The following RTL4 variants were observed in gnomAD, a reference collection of about 807,000 sequenced individuals.
RTL4 encodes retrotransposon Gag-like protein 4.
Under a neutral mutation model 5.3 loss-of-function variants are expected in RTL4, and 4 were observed. That is an observed-to-expected ratio of 0.75 (90% CI 0.37 to 1.72). The LOEUF is 1.72. Among genes scored for constraint, RTL4 ranks in the 40% most tolerant of loss-of-function variants. RTL4 has a pLI of 0.04. For missense variants in RTL4, 260 were observed against 227.1 expected (o/e 1.14, Z -0.93); for synonymous variants, 98 against 87.3 (o/e 1.12, Z -0.68).
the RTL4 span, among the ~76,000 whole-genome samples, chrX:112,106,005 T>C: frequency 3.6e-5 from 4 of 112,216 alleles, no homozygotes; most frequent in East Asian, 1.1e-3. Flanking sequence ...AATATGATAT[T>C]ATCCATGGGT....
the RTL4 span, among the ~76,000 whole-genome samples, chrX:112,435,261 C>A: frequency 2.7e-5 from 3 of 111,648 alleles, no homozygotes; most frequent in African/African-American, 9.8e-5. Context: ...CACTACCAAG[C>A]ATCCTTGTAT....
At chrX:112,424,709 G>C in the RTL4 span, among the ~76,000 whole-genome samples, 1 of 111,386 alleles carries the variant, frequency 9.0e-6, no homozygotes, top group Non-Finnish European at 1.9e-5. Flanking sequence ...GGTATAGAAA[G>C]AGTAGGGCTG....
chrX:112,290,808 T>C, the RTL4 span, among the ~76,000 whole-genome samples: 1 of 112,329 alleles, frequency 8.9e-6, no homozygotes, highest in Non-Finnish European at 1.9e-5. Context: ...TCTTTTCTTC[T>C]ACATCTCATT....
chrX:112,274,890 G>C, the RTL4 span, among the ~76,000 whole-genome samples: 23 of 111,607 alleles, frequency 2.1e-4, no homozygotes, highest in African/African-American at 7.5e-4. Context: ...ACTGAAACTA[G>C]CAGAGTACAT....
At chrX:112,198,283 CT>C in the RTL4 span, among the ~76,000 whole-genome samples, 2 of 111,905 alleles carry the variant, frequency 1.8e-5, no homozygotes, top group East Asian at 5.6e-4. Flanking sequence ...AGTATATAAG[CT>C]TCATGAAGTC....
chrX:112,310,902 T>A, the RTL4 span, among the ~76,000 whole-genome samples: 2 of 96,872 alleles, frequency 2.1e-5, no homozygotes, highest in African/African-American at 7.5e-5. Context: ...TATTTTTATA[T>A]ATATGTATAT....
the RTL4 span, among the ~76,000 whole-genome samples, chrX:112,314,225 C>T: frequency 3.6e-5 from 4 of 111,697 alleles, no homozygotes; most frequent in Non-Finnish European, 7.5e-5. Flanking sequence ...TAAAACCCAC[C>T]GTTCAGCACA....
At chrX:112,392,990 G>A in the RTL4 span, among the ~76,000 whole-genome samples, 34 of 109,371 alleles carry the variant, frequency 3.1e-4, no homozygotes, top group Non-Finnish European at 5.3e-4. Context: ...CTGTCCCAGG[G>A]AGGTTTGAAG....
chrX:112,399,349 T>C, the RTL4 span, among the ~76,000 whole-genome samples: 2 of 111,832 alleles, frequency 1.8e-5, no homozygotes, highest in Admixed American at 9.5e-5. Flanking sequence ...TTATAGCTTT[T>C]CTTTGTATTT....
the RTL4 span, among the ~76,000 whole-genome samples, chrX:112,190,047 G>C: frequency 2.7e-5 from 3 of 112,093 alleles, no homozygotes; most frequent in East Asian, 8.4e-4. Context: ...TAAACACAAA[G>C]TCAGTAATGC....
upstream of RTL4, among the ~76,000 whole-genome samples, chrX:112,452,848 A>G (rs1022243697): frequency 9.0e-6 from 1 of 110,738 alleles, no homozygotes; most frequent in Non-Finnish European, 1.9e-5. Flanking sequence ...CCTGGCCAAC[A>G]TGGTGAAACT....
the RTL4 span, among the ~76,000 whole-genome samples, chrX:112,284,777 A>G: frequency 0.02 from 2,206 of 111,603 alleles, 56 homozygotes; most frequent in African/African-American, 0.066. Flanking sequence ...TTGTGCCTCT[A>G]ACATAAAAAG....
At chrX:112,247,105 A>G in the RTL4 span, among the ~76,000 whole-genome samples, 15 of 112,118 alleles carry the variant, frequency 1.3e-4, no homozygotes, top group South Asian at 5.2e-3. Context: ...CAAGTGACCC[A>G]AAAGAAGTCC....
chrX:112,107,190 A>C, the RTL4 span, among the ~76,000 whole-genome samples: 3 of 112,053 alleles, frequency 2.7e-5, no homozygotes, highest in African/African-American at 9.7e-5. Context: ...TCACACAAGA[A>C]GAAACTCTAC....
At chrX:112,167,891 A>T in the RTL4 span, among the ~76,000 whole-genome samples, 1 of 110,869 alleles carries the variant, frequency 9.0e-6, no homozygotes, top group South Asian at 3.8e-4. Context: ...AAAAAAAAAC[A>T]CGGTCAACAT....
the RTL4 span, among the ~76,000 whole-genome samples, chrX:112,318,582 A>C: frequency 8.9e-6 from 1 of 112,156 alleles, no homozygotes; most frequent in African/African-American, 3.2e-5. Context: ...TGTTATTAGC[A>C]GTCATCTAAA....
the RTL4 span, among the ~76,000 whole-genome samples, chrX:112,430,318 T>A: frequency 1.8e-5 from 2 of 109,070 alleles, no homozygotes; most frequent in East Asian, 5.9e-4. Flanking sequence ...TTCCATCCTC[T>A]GCTATGTCCA....
chrX:112,246,141 G>T, the RTL4 span, among the ~76,000 whole-genome samples: 1 of 112,085 alleles, frequency 8.9e-6, no homozygotes, highest in Non-Finnish European at 1.9e-5. Flanking sequence ...GCTCCTACTG[G>T]GAGGTGTCTC....
chrX:112,280,239 C>T, the RTL4 span, among the ~76,000 whole-genome samples: 2 of 111,221 alleles, frequency 1.8e-5, no homozygotes, highest in African/African-American at 6.5e-5. Context: ...CACATGTTCT[C>T]ATTTATAATT....
Sources: allele counts gnomAD v4.1 joint callset (sites outside exome capture counted in the v4.1 genomes callset), GRCh38; gene constraint gnomAD v4.1.1; transcripts MANE v1.5; gene names NCBI Gene and HGNC (gene_info 2026-07-23, HGNC 2026-07-21).